Variants in KIRREL3 observed in about 807,000 individuals in gnomAD.
KIRREL3 encodes kirre like nephrin family adhesion molecule 3.
In KIRREL3, 36 loss-of-function variants were observed where a neutral mutation model predicts 89.7. That is an observed-to-expected ratio of 0.40 (90% CI 0.31 to 0.53). The LOEUF (loss-of-function observed/expected upper bound fraction) is 0.53. KIRREL3 is among the 20% of genes least tolerant of loss of function. The probability of loss-of-function intolerance (pLI) is 0.49; values close to 1 mark genes in which losing one functional copy is unlikely to be tolerated. For missense variants in KIRREL3, 864 were observed against 1,056.6 expected, an observed-to-expected ratio of 0.82 and a Z score of 2.53; for synonymous variants, 445 against 441.4, an observed-to-expected ratio of 1.01 and a Z score of -0.10.
chr11:126,502,082 A>G (rs1396523988), intron 4 of KIRREL3, among the ~76,000 whole-genome samples: 1 of 152,226 alleles, frequency 6.6e-6, no homozygotes, highest in East Asian at 1.9e-4. Context: ...TGGATAATGA[A>G]TGTAAAAAAC....
chr11:126,982,149 G>A (rs1311054128), intron 1 of KIRREL3, among the ~76,000 whole-genome samples: 3 of 152,142 alleles, frequency 2.0e-5, no homozygotes, highest in Non-Finnish European at 2.9e-5. Flanking sequence ...CTGGACACAG[G>A]TTCCTCAAGG....
At chr11:126,442,282 A>C (rs1264061739) in intron 10 of KIRREL3, among the ~76,000 whole-genome samples, 16 of 112,662 alleles carry the variant, frequency 1.4e-4, no homozygotes, top group Non-Finnish European at 2.0e-4. Context: ...ACAAAAAAAA[A>C]ACAAAAAACC....
chr11:126,530,417 T>C lies in KIRREL3; in HGVS notation c.134-3730A>G, dbSNP rs975013114. 6.6e-6 allele frequency among the ~76,000 whole-genome samples: 1 copy of C among 152,206 alleles called. No homozygotes were observed. Among genetic ancestry groups the C allele is most frequent in the Non-Finnish European group, 1.5e-5 (1 of 68,030 alleles). ...GCTTTATTTTCCCCATTTTCTTTTC[T>C]ACTCCAAAGAAGTGAAATGCAAGTG... On this transcript the variant is annotated intron_variant, in intron 2 of 16. Transcript: ENST00000525144. The surrounding 1 kb of genome is among the most constrained non-coding windows in gnomAD (Gnocchi z 5.8).
rs548114064 is a variant in KIRREL3 at position 126,428,183 on chromosome 11, T to C, written c.1806+996A>G. ...GTCCACTTCACCCTCACCACAGCCC[T>C]GTATACTGTGGCTTTCAGACCCATC... On this transcript the variant is annotated intron_variant, in intron 15 of 16. Transcript: ENST00000525144. This position sits in a 1 kb window ranked among gnomAD's most constrained non-coding sequence, Gnocchi z 6.4. Among the ~76,000 whole-genome samples the C allele has an allele frequency of 6.6e-6, 1 of 152,312 alleles. No individual in the cohort carries two copies. Among genetic ancestry groups the C allele is most frequent in the Non-Finnish European group, 1.5e-5 (1 of 68,030 alleles).
Position 126,526,467 on chromosome 11 carries a change from C to G in KIRREL3, c.283+71G>C. 1 of 1,465,884 alleles carries G rather than the reference C, an allele frequency of 6.8e-7. No homozygotes were observed. Among genetic ancestry groups the G allele is most frequent in the East Asian group, 2.4e-5 (1 of 42,006 alleles). The allele number at this position is 1,465,884 out of a possible 1,614,324, so 90.8% of individuals were successfully genotyped here. ...AGACACCTGTGAAGATGGGTGCTCCCTAGGAAGGTGGATGGGTGAGTAAGG... is the reference window on the plus strand; with the variant it reads ...AGACACCTGTGAAGATGGGTGCTCCGTAGGAAGGTGGATGGGTGAGTAAGG... On this transcript the variant is annotated intron_variant, in intron 3 of 16. Transcript: ENST00000525144. The surrounding 1 kb of genome is among the most constrained non-coding windows in gnomAD (Gnocchi z 5.7).
At position 126,620,748 on chromosome 11, in the gene KIRREL3, C is replaced by T. The variant is rs1169780826; in HGVS notation, c.56-57836G>A. On this transcript the variant is annotated intron_variant, in intron 1 of 16. Transcript: ENST00000525144. This position sits in a 1 kb window ranked among gnomAD's most constrained non-coding sequence, Gnocchi z 4.8. ...GTCTCTTGATCTCTTCTTCCTGCCTCATACCCCACTTTAAATTCCTTCTTT... is the reference window on the plus strand; with the variant it reads ...GTCTCTTGATCTCTTCTTCCTGCCTTATACCCCACTTTAAATTCCTTCTTT... 2.0e-5 allele frequency among the ~76,000 whole-genome samples: 3 copies of T among 152,228 alleles called. No individual in the cohort carries two copies. The highest frequency in any genetic ancestry group is 4.8e-5 in the African/African-American group (2 of 41,462).
Position 126,710,484 on chromosome 11 carries a change from C to T in KIRREL3, c.56-147572G>A, listed in dbSNP as rs201495278. On this transcript the variant is annotated intron_variant, in intron 1 of 16. Transcript: ENST00000525144. This position sits in a 1 kb window ranked among gnomAD's most constrained non-coding sequence, Gnocchi z 4.2. ...AACCCTTCATGGCATGCCGAGATTC[C>T]TAATGAGATGAGAATACATTCTTTA... Among the ~76,000 whole-genome samples the T allele has an allele frequency of 2.6e-5, 4 of 152,266 alleles. No individual in the cohort carries two copies. In the East Asian group the frequency reaches 7.7e-4, roughly 29 times the overall value.
rs1947956855 is a variant in KIRREL3, at chr11:126,931,704, C to A, written c.55+68751G>T. Reference sequence around the variant, plus strand: ...TACCCATATTCATTCTTCCTTACAGCATTCTGGGGAAGATTATCACCAGTT... The same window carrying A: ...TACCCATATTCATTCTTCCTTACAGAATTCTGGGGAAGATTATCACCAGTT... On this transcript the variant is annotated intron_variant, in intron 1 of 16. Coordinates refer to ENST00000525144, the MANE Select transcript of KIRREL3 (RefSeq NM_032531.4). The surrounding 1 kb of genome is among the most constrained non-coding windows in gnomAD (Gnocchi z 5.1). Among the ~76,000 whole-genome samples, 1 of 152,186 alleles carries A rather than the reference C, an allele frequency of 6.6e-6. No homozygotes were observed. Among genetic ancestry groups the A allele is most frequent in the Admixed American group, 6.5e-5 (1 of 15,286 alleles).
chr11:126,582,675 G>T (rs2134672192), intron 1 of KIRREL3, among the ~76,000 whole-genome samples: 1 of 152,284 alleles, frequency 6.6e-6, no homozygotes, highest in Admixed American at 6.5e-5. Flanking sequence ...GCCCCATGAG[G>T]ATGGGAGGGG....
chr11:126,453,064 C>T (rs1956234507), intron 7 of KIRREL3, among the ~76,000 whole-genome samples: 1 of 149,860 alleles, frequency 6.7e-6, no homozygotes, highest in African/African-American at 2.5e-5. Flanking sequence ...CCACCCACCT[C>T]CCCCAACTCA....
At chr11:126,834,215 C>G (rs1015156241) in intron 1 of KIRREL3, among the ~76,000 whole-genome samples, 2 of 152,178 alleles carry the variant, frequency 1.3e-5, no homozygotes, top group African/African-American at 4.8e-5. Context: ...AGCACATTAT[C>G]TCTGTTTTGC....
At chr11:126,466,789 G>T (rs1279192024) in intron 5 of KIRREL3, among the ~76,000 whole-genome samples, 1 of 152,124 alleles carries the variant, frequency 6.6e-6, no homozygotes, top group East Asian at 1.9e-4. Flanking sequence ...TGGCTCTGGG[G>T]ACACACCATG....
chr11:126,538,788 G>A (rs1938125581), intron 2 of KIRREL3, among the ~76,000 whole-genome samples: 1 of 152,196 alleles, frequency 6.6e-6, no homozygotes, highest in Non-Finnish European at 1.5e-5. Context: ...TGGGTGTGGG[G>A]TGTGCAGGAG....
intron 1 of KIRREL3, among the ~76,000 whole-genome samples, chr11:126,838,498 T>C (rs916739151): frequency 6.6e-6 from 1 of 152,230 alleles, no homozygotes; most frequent in Non-Finnish European, 1.5e-5. Flanking sequence ...CCTGCTTTGA[T>C]ATTTCTTCCC....
rs1344964204 is a variant in KIRREL3, at chr11:126,485,632, GCT to G, written c.434-12168_434-12167del. ...TGTAGTAAGAACCCACTAAATTTTA[GCT>G]CTTAGTATTATTGTTGTTTATTTAA... is the stretch of plus-strand genomic sequence containing the variant. On this transcript the variant is annotated intron_variant, in intron 4 of 16. Coordinates refer to ENST00000525144, the MANE Select transcript of KIRREL3 (RefSeq NM_032531.4). This position sits in a 1 kb window ranked among gnomAD's most constrained non-coding sequence, Gnocchi z 5.8. Among the ~76,000 whole-genome samples, 1 of 152,210 alleles carries G rather than the reference GCT, an allele frequency of 6.6e-6. No homozygotes were observed. The highest frequency in any genetic ancestry group is 1.5e-5 in the Non-Finnish European group (1 of 68,040).
intron 1 of KIRREL3, among the ~76,000 whole-genome samples, chr11:126,988,100 T>C (rs1371572333): frequency 6.6e-6 from 1 of 152,234 alleles, no homozygotes; most frequent in Non-Finnish European, 1.5e-5. Flanking sequence ...AGTCTTTTTA[T>C]GTAGAGTAGC....
In KIRREL3 at chr11:126,445,034, C is replaced by T; in HGVS notation, c.1197G>A (p.Arg399=). Residue 399 remains arginine, a synonymous_variant, in exon 10 of 17, where the codon CGG becomes CGA. Coordinates refer to ENST00000525144, the MANE Select transcript of KIRREL3 (RefSeq NM_032531.4). ...RQEDAGKYVC[R]AVVPRVGAGE... Reference sequence around the variant, plus strand: ...CGGCTCCCACACGGGGCACCACAGCCCGGCACACGTACTTGCCCGCGTCCT... The same window carrying T: ...CGGCTCCCACACGGGGCACCACAGCTCGGCACACGTACTTGCCCGCGTCCT... 1 of 1,614,008 alleles carries T rather than the reference C, an allele frequency of 6.2e-7. No individual in the cohort carries two copies.
At chr11:126,849,086 TGA>T (rs1944247171) in intron 1 of KIRREL3, among the ~76,000 whole-genome samples, 1 of 151,832 alleles carries the variant, frequency 6.6e-6, no homozygotes, top group Admixed American at 6.6e-5. Context: ...AATCACAGAG[TGA>T]GATAGGAGGT....
At position 126,983,856 on chromosome 11, in the gene KIRREL3, T is replaced by A. The variant is rs1466003438; in HGVS notation, c.55+16599A>T. On this transcript the variant is annotated intron_variant, in intron 1 of 16. Transcript: ENST00000525144. This position sits in a 1 kb window ranked among gnomAD's most constrained non-coding sequence, Gnocchi z 4.9. ...AAACAAATACACTCCATACATAGCC[T>A]TTCTCAACTGAGATTCCTCCTCTGA... Among the ~76,000 whole-genome samples, 2 of 152,186 alleles carry A rather than the reference T, an allele frequency of 1.3e-5. No homozygotes were observed. Among genetic ancestry groups the A allele is most frequent in the African/African-American group, 4.8e-5 (2 of 41,454 alleles).
Sources: allele counts gnomAD v4.1 joint callset (sites outside exome capture counted in the v4.1 genomes callset), GRCh38; gene constraint gnomAD v4.1.1; non-coding constraint Gnocchi (gnomAD v3.1); transcripts MANE v1.5; gene names NCBI Gene and HGNC (gene_info 2026-07-23, HGNC 2026-07-21).